The following KIAA1671 variants were observed in gnomAD, a reference collection of about 807,000 sequenced individuals.
KIAA1671 encodes uncharacterized protein KIAA1671.
In KIAA1671, 52 loss-of-function variants were observed where a neutral mutation model predicts 131.2. The ratio of observed to expected loss-of-function variants is 0.40; its 90% confidence interval spans 0.32 to 0.50. The LOEUF (loss-of-function observed/expected upper bound fraction) is 0.50, where lower values mean the gene tolerates loss of function less well. KIAA1671 is among the 20% of genes least tolerant of loss of function. The pLI is 0.73. For missense variants in KIAA1671, 2,360 were observed against 2,364.2 expected, an observed-to-expected ratio of 1.00 and a Z score of 0.04; for synonymous variants, 1,003 against 961.6, an observed-to-expected ratio of 1.04 and a Z score of -0.80.
At chr22:25,148,801 C>T (rs891673656) in intron 6 of KIAA1671, among the ~76,000 whole-genome samples, 2 of 152,192 alleles carry the variant, frequency 1.3e-5, no homozygotes, top group Non-Finnish European at 2.9e-5. Context: ...ATCTCGCTCC[C>T]GTAAGTGCTC....
At chr22:25,080,318 G>T (rs769536304) in intron 6 of KIAA1671, among the ~76,000 whole-genome samples, 1 of 152,082 alleles carries the variant, frequency 6.6e-6, no homozygotes, top group East Asian at 1.9e-4. Flanking sequence ...AGGTGGGAGG[G>T]GAATTGTAAA....
intron 1 of KIAA1671, among the ~76,000 whole-genome samples, chr22:24,994,023 G>C (rs1923977039): frequency 6.6e-6 from 1 of 152,010 alleles, no homozygotes; most frequent in African/African-American, 2.4e-5. Context: ...GGAGGTTGCA[G>C]TGAGCCAAGA....
intron 6 of KIAA1671, among the ~76,000 whole-genome samples, chr22:25,109,212 C>T (rs1276820825): frequency 1.1e-4 from 17 of 151,978 alleles, no homozygotes; most frequent in African/African-American, 2.2e-4. Flanking sequence ...CGGGTTCAAG[C>T]GATTCTCCTG....
At chr22:25,112,350 T>G (rs538371822) in intron 6 of KIAA1671, 8 of 399,032 alleles carry the variant, frequency 2.0e-5, no homozygotes, top group Admixed American at 4.4e-5. Flanking sequence ...ACTTCCTCCT[T>G]CCGACACCTG....
rs935705636 is a variant in KIAA1671, at chr22:25,075,286, C to T, written c.4530+25922C>T. Among the ~76,000 whole-genome samples the T allele has an allele frequency of 7.9e-5, 12 of 152,234 alleles. No homozygotes were observed. The East Asian group carries it at 2.3e-3, about 29-fold the overall frequency. ...ACGCACAGGACAGGTCCTTCCCTCC[C>T]CTCCCCTCGACAGCACCAAGAATGA... On this transcript the variant is annotated intron_variant, in intron 6 of 12. Coordinates refer to ENST00000358431, the MANE Select transcript of KIAA1671 (RefSeq NM_001145206.2).
At chr22:25,050,512 C>G (rs1221213558) in intron 6 of KIAA1671, 1 of 152,230 alleles carries the variant, frequency 6.6e-6, no homozygotes, top group Non-Finnish European at 1.5e-5. Context: ...TGATTTTGTG[C>G]TGAAGCTCCA....
intron 6 of KIAA1671, among the ~76,000 whole-genome samples, chr22:25,165,961 G>A (rs1482346460): frequency 1.3e-5 from 2 of 152,198 alleles, no homozygotes; most frequent in Admixed American, 1.3e-4. Flanking sequence ...CACCCATGCA[G>A]GTCCCGCAGG....
chr22:25,032,448 T>G lies in KIAA1671; in HGVS notation c.1542-161T>G, dbSNP rs991168894. On this transcript the variant is annotated intron_variant, in intron 3 of 12. Transcript: ENST00000358431. Reference sequence around the variant, plus strand: ...GGGCTCCTCCACCCCAGTAATGCTGTGTTTGAGGTAGGCTCTCCCCACTGG... The same window carrying G: ...GGGCTCCTCCACCCCAGTAATGCTGGGTTTGAGGTAGGCTCTCCCCACTGG... Among the ~76,000 whole-genome samples the G allele has an allele frequency of 6.1e-4, 93 of 152,254 alleles. 1 individual carries two copies. Among genetic ancestry groups the G allele is most frequent in the African/African-American group, 2.2e-3 (92 of 41,540 alleles).
intron 6 of KIAA1671, among the ~76,000 whole-genome samples, chr22:25,090,677 C>T (rs1476218627): frequency 3.9e-5 from 6 of 152,234 alleles, no homozygotes; most frequent in African/African-American, 1.4e-4. Flanking sequence ...CCACACAAGG[C>T]ACTTTTTCTG....
chr22:25,118,929 G>T (rs1018905237), intron 6 of KIAA1671, among the ~76,000 whole-genome samples: 3 of 152,080 alleles, frequency 2.0e-5, no homozygotes, highest in African/African-American at 7.2e-5. Context: ...CTGCAGAGAG[G>T]CTTCCCGACG....
chr22:25,081,574 T>A (rs950414923), intron 6 of KIAA1671, among the ~76,000 whole-genome samples: 2 of 151,452 alleles, frequency 1.3e-5, no homozygotes, highest in Admixed American at 1.3e-4. Flanking sequence ...ATTGAGGCAC[T>A]AGAGGGCACC....
chr22:25,098,031 A>C (rs556278988), intron 6 of KIAA1671, among the ~76,000 whole-genome samples: 19 of 152,334 alleles, frequency 1.2e-4, no homozygotes, highest in African/African-American at 4.6e-4. Flanking sequence ...TTCTCCCTGT[A>C]GTCCACCCAG....
intron 6 of KIAA1671, among the ~76,000 whole-genome samples, chr22:25,069,663 C>G (rs1928701356): frequency 6.6e-6 from 1 of 152,162 alleles, no homozygotes; most frequent in African/African-American, 2.4e-5. Flanking sequence ...TGGGGATGGC[C>G]ACACCCTCCT....
chr22:24,971,561 C>T (rs1398692520), intron 1 of KIAA1671, among the ~76,000 whole-genome samples: 1 of 152,046 alleles, frequency 6.6e-6, no homozygotes, highest in East Asian at 1.9e-4. Context: ...TTTTAGTTTC[C>T]CTGAAGGATG....
intron 6 of KIAA1671, among the ~76,000 whole-genome samples, chr22:25,126,848 A>G (rs919984353): frequency 6.6e-6 from 1 of 152,204 alleles, no homozygotes; most frequent in Non-Finnish European, 1.5e-5. Flanking sequence ...ATCATTTGCA[A>G]AAAGCCCTGT....
intron 4 of KIAA1671, among the ~76,000 whole-genome samples, chr22:25,035,326 T>A (rs1332932871): frequency 6.6e-6 from 1 of 152,150 alleles, no homozygotes; most frequent in Non-Finnish European, 1.5e-5. Context: ...GGATTATAGG[T>A]GTGAGCCACC....
intron 5 of KIAA1671, among the ~76,000 whole-genome samples, chr22:25,043,245 A>G (rs1007807546): frequency 1.3e-5 from 2 of 152,132 alleles, no homozygotes; most frequent in African/African-American, 4.8e-5. Context: ...CACAAATTCA[A>G]ATCTACCCAA....
At chr22:25,164,895 C>T (rs1016846786) in intron 6 of KIAA1671, among the ~76,000 whole-genome samples, 1 of 150,630 alleles carries the variant, frequency 6.6e-6, no homozygotes, top group Admixed American at 6.6e-5. Flanking sequence ...TTGCAGTGAG[C>T]CGAGATTGTC....
chr22:24,997,122 G>C (rs1437636242), intron 1 of KIAA1671, among the ~76,000 whole-genome samples: 1 of 152,152 alleles, frequency 6.6e-6, no homozygotes, highest in African/African-American at 2.4e-5. Context: ...TCACATGCCA[G>C]GCAAGGATCT....
Sources: allele counts gnomAD v4.1 joint callset (sites outside exome capture counted in the v4.1 genomes callset), GRCh38; gene constraint gnomAD v4.1.1; transcripts MANE v1.5; gene names NCBI Gene and HGNC (gene_info 2026-07-23, HGNC 2026-07-21).